The following ATP8A2 variants were observed in gnomAD, a reference collection of about 807,000 sequenced individuals.
ATP8A2 encodes phospholipid-transporting ATPase IB.
ATP8A2 carries 100 observed loss-of-function variants against 165.6 expected under a neutral mutation model. The observed-to-expected ratio is 0.60, with a 90% confidence interval of 0.51 to 0.71. ATP8A2 has a LOEUF of 0.71. ATP8A2 is among the 30% of genes least tolerant of loss of function. The probability of loss-of-function intolerance (pLI) is 0.00; values close to 1 mark genes in which losing one functional copy is unlikely to be tolerated. For missense variants in ATP8A2, 1,227 were observed against 1,479.5 expected (o/e 0.83, Z 2.80); for synonymous variants, 543 against 548.8 (o/e 0.99, Z 0.15).
At position 25,769,122 on chromosome 13, in the gene ATP8A2, G is replaced by A. The variant is rs776395438; in HGVS notation, c.2461G>A (p.Asp821Asn). The A allele has an allele frequency of 1.2e-6, 2 of 1,614,214 alleles. No individual in the cohort carries two copies. The highest frequency in any genetic ancestry group is 2.2e-5 in the South Asian group (2 of 91,084). The change falls in exon 26 of 37, where the codon GAC (aspartate) becomes AAC (asparagine). Residue 821 changes from aspartate (D) to asparagine (N), a missense_variant. By Grantham distance (23) the Asp-to-Asn change is conservative. Around this residue, in one of 5 missense-constraint regions of ATP8A2, gnomAD observed 592 missense variants for 785.6 expected, o/e 0.75. Coordinates refer to ENST00000381655, the MANE Select transcript of ATP8A2 (RefSeq NM_016529.6). Reference sequence around the variant, plus strand: ...GAAGGCCATCACCCTCGCCATCGGAGACGGCGCCAACGATGTCGGGATGAT... The same window carrying A: ...GAAGGCCATCACCCTCGCCATCGGAAACGGCGCCAACGATGTCGGGATGAT... ...RVKAITLAIGDGANDVGMIQT... is the reference protein window; with the variant it reads ...RVKAITLAIGNGANDVGMIQT...
rs2137905540 is a variant in ATP8A2 at position 25,530,655 on chromosome 13, G to A, written c.415G>A (p.Asp139Asn). The change falls in exon 4 of 37, where the codon GAT (aspartate) becomes AAT (asparagine). Residue 139 changes from aspartate to asparagine, a missense_variant. Transcript: ENST00000381655. ...TGCAGGCATCAAAGAGATTGTAGAA[G>A]ATTTTGTAAGTTTTTGCTTTTGGAT... ...TIAGIKEIVE[D>N]FKRHKADNAV... 2 of 1,572,680 alleles carry A rather than the reference G, an allele frequency of 1.3e-6. No individual in the cohort carries two copies. Among genetic ancestry groups the A allele is most frequent in the Non-Finnish European group, 1.7e-6 (2 of 1,151,194 alleles).
intron 1 of ATP8A2, among the ~76,000 whole-genome samples, chr13:25,437,991 C>T (rs1434480186): frequency 6.6e-6 from 1 of 152,184 alleles, no homozygotes; most frequent in Admixed American, 6.5e-5. Context: ...TAGAAAACAA[C>T]CCTTTCCCTT....
intron 1 of ATP8A2, among the ~76,000 whole-genome samples, chr13:25,457,284 A>C (rs907632909): frequency 6.6e-6 from 1 of 152,218 alleles, no homozygotes; most frequent in Non-Finnish European, 1.5e-5. Flanking sequence ...CCTAATAAAG[A>C]TAAAAGATTC....
At chr13:25,557,351 AT>A (rs989110492) in intron 13 of ATP8A2, among the ~76,000 whole-genome samples, 2 of 150,020 alleles carry the variant, frequency 1.3e-5, no homozygotes, top group Admixed American at 6.6e-5. Context: ...GTCAATCCTC[AT>A]TTTTTTTTCT....
At chr13:25,711,492 G>A (rs1329543614) in intron 25 of ATP8A2, among the ~76,000 whole-genome samples, 1 of 152,054 alleles carries the variant, frequency 6.6e-6, no homozygotes, top group East Asian at 1.9e-4. Flanking sequence ...AAAAGGTTGT[G>A]TGAGGCCAGG....
intron 10 of ATP8A2, among the ~76,000 whole-genome samples, chr13:25,547,626 G>A (rs903444068): frequency 1.3e-5 from 2 of 152,122 alleles, no homozygotes; most frequent in Admixed American, 1.3e-4. Flanking sequence ...TAGAATTAAA[G>A]TACACAATAA....
intron 1 of ATP8A2, among the ~76,000 whole-genome samples, chr13:25,457,933 A>G (rs2035406524): frequency 1.3e-5 from 2 of 152,240 alleles, no homozygotes; most frequent in South Asian, 4.1e-4. Flanking sequence ...GACTTGCTCA[A>G]ATCTGACTGC....
chr13:25,372,305 G>A lies in ATP8A2; in HGVS notation c.76+17G>A. 1.4e-6 allele frequency: 2 copies of A among 1,461,874 alleles called. No individual in the cohort carries two copies. The highest frequency in any genetic ancestry group is 1.8e-6 in the Non-Finnish European group (2 of 1,103,114). 90.6% of individuals were successfully genotyped at this position (1,461,874 alleles called of 1,614,324 possible). A position where few individuals can be genotyped will look rare whatever the true frequency, so the allele number is the denominator to read the frequency against. ...CGTCCGTGGGTGAGCTGGGAGGGGC[G>A]CGGCGAGGGAGGGTGGGCCCGGGGC... On this transcript the variant is annotated intron_variant, in intron 1 of 36. Transcript: ENST00000381655. The surrounding 1 kb of genome is among the most constrained non-coding windows in gnomAD (Gnocchi z 4.8).
chr13:25,638,922 A>G (rs1292379938), intron 24 of ATP8A2, among the ~76,000 whole-genome samples: 1 of 152,200 alleles, frequency 6.6e-6, no homozygotes, highest in Non-Finnish European at 1.5e-5. Context: ...CAGAAACTCT[A>G]CAAGCCAGAA....
intron 2 of ATP8A2, among the ~76,000 whole-genome samples, chr13:25,523,334 G>T (rs548382753): frequency 6.8e-6 from 1 of 147,532 alleles, no homozygotes; most frequent in Non-Finnish European, 1.5e-5. Context: ...GTGCAGTGCC[G>T]CAATCTTGGC....
chr13:25,929,329 C>T lies in ATP8A2; in HGVS notation c.3184-32246C>T, dbSNP rs145289744. Among the ~76,000 whole-genome samples, 905 of 152,204 alleles carry T rather than the reference C, an allele frequency of 5.9e-3. 4 individuals are homozygous for T. Among genetic ancestry groups the T allele is most frequent in the Non-Finnish European group, 7.0e-3 (479 of 68,024 alleles). ...CGTTGCCATAGTGACCATCCTGGAA[C>T]GGTGAGGCTGCAAGCAAGAGGAAAG... On this transcript the variant is annotated intron_variant, in intron 33 of 36. Coordinates refer to ENST00000381655, the MANE Select transcript of ATP8A2 (RefSeq NM_016529.6).
intron 35 of ATP8A2, among the ~76,000 whole-genome samples, chr13:25,996,529 A>T (rs113717562): frequency 2.6e-5 from 4 of 152,056 alleles, no homozygotes; most frequent in African/African-American, 7.2e-5. Context: ...TCTTATTATT[A>T]TTTTTTATTT....
At chr13:25,499,242 T>C (rs886311557) in intron 2 of ATP8A2, among the ~76,000 whole-genome samples, 3 of 152,188 alleles carry the variant, frequency 2.0e-5, no homozygotes, top group Non-Finnish European at 4.4e-5. Context: ...CAAAGGTGAA[T>C]GTGTTACTCA....
rs761932984 is a variant in ATP8A2, at chr13:25,518,957, A to G, written c.222-11042A>G. 3.0e-4 allele frequency among the ~76,000 whole-genome samples: 45 copies of G among 152,188 alleles called. 1 individual carries two copies. The highest frequency in any genetic ancestry group is 7.3e-5 in the Non-Finnish European group (5 of 68,036). ...TCCTGGGAAGCCTCCAGATCTTCCC[A>G]TCTCCCAAAAGGAAAAAGGCCAGTG... On this transcript the variant is annotated intron_variant, in intron 2 of 36. Transcript: ENST00000381655.
At chr13:25,853,384 C>CT (rs1423999464) in intron 30 of ATP8A2, among the ~76,000 whole-genome samples, 2 of 60,426 alleles carry the variant, frequency 3.3e-5, no homozygotes, top group East Asian at 8.9e-4. Flanking sequence ...GAGCAAGACT[C>CT]TATCTAAAAA....
intron 33 of ATP8A2, among the ~76,000 whole-genome samples, chr13:25,931,817 C>A (rs1954775377): frequency 6.6e-6 from 1 of 151,970 alleles, no homozygotes; most frequent in African/African-American, 2.4e-5. Context: ...GAGGCCGAGG[C>A]GGGCGTTTCA....
intron 25 of ATP8A2, among the ~76,000 whole-genome samples, chr13:25,752,617 T>A (rs934836638): frequency 6.6e-6 from 1 of 152,098 alleles, no homozygotes; most frequent in Non-Finnish European, 1.5e-5. Context: ...TGGTTTTTTG[T>A]TTTGTTTTGT....
At chr13:25,482,161 C>T (rs1008098662) in intron 2 of ATP8A2, among the ~76,000 whole-genome samples, 15 of 152,260 alleles carry the variant, frequency 9.9e-5, no homozygotes, top group African/African-American at 3.6e-4. Flanking sequence ...CCAAACCCCA[C>T]TTGGAAGCCA....
intron 25 of ATP8A2, among the ~76,000 whole-genome samples, chr13:25,760,548 C>A (rs1307432719): frequency 6.6e-6 from 1 of 152,056 alleles, no homozygotes; most frequent in African/African-American, 2.4e-5. Context: ...AGATTTTTTT[C>A]AAGGTCTTTT....
Sources: allele counts gnomAD v4.1 joint callset (sites outside exome capture counted in the v4.1 genomes callset), GRCh38; gene constraint gnomAD v4.1.1; regional missense constraint gnomAD v4.1.1; non-coding constraint Gnocchi (gnomAD v3.1); transcripts MANE v1.5; gene names NCBI Gene and HGNC (gene_info 2026-07-23, HGNC 2026-07-21).